AGMO: variants seen among roughly 807,000 people sequenced by gnomAD.
AGMO encodes alkylglycerol monooxygenase.
Under a neutral mutation model 60.2 loss-of-function variants are expected in AGMO, and 75 were observed. That is an observed-to-expected ratio of 1.25 (90% CI 1.03 to 1.51). AGMO has a LOEUF of 1.51. AGMO is among the 40% of genes most tolerant of loss of function. The pLI, the probability that AGMO is intolerant of heterozygous loss-of-function variation, is 0.00. For synonymous variants in AGMO, 261 were observed against 177.1 expected (o/e 1.47, Z -3.76); for missense variants, 763 against 525.5 (o/e 1.45, Z -4.42).
chr7:15,117,318 A>G, the AGMO span, among the ~76,000 whole-genome samples: 1 of 152,132 alleles, frequency 6.6e-6, no homozygotes, highest in African/African-American at 2.4e-5. Flanking sequence ...GGACTTTATT[A>G]GGATCATGTA....
At chr7:15,528,649 T>C (rs1406602050) in intron 3 of AGMO, among the ~76,000 whole-genome samples, 1 of 151,976 alleles carries the variant, frequency 6.6e-6, no homozygotes, top group East Asian at 1.9e-4. Flanking sequence ...ACCATTTTTA[T>C]TTATTTATTT....
chr7:15,402,778 G>A (rs558100473), intron 5 of AGMO, among the ~76,000 whole-genome samples: 6 of 150,940 alleles, frequency 4.0e-5, no homozygotes, highest in African/African-American at 9.8e-5. Context: ...ATTTCAGAGC[G>A]TTAAAACCTG....
chr7:15,194,550 A>G, the AGMO span, among the ~76,000 whole-genome samples: 1 of 152,202 alleles, frequency 6.6e-6, no homozygotes, highest in Non-Finnish European at 1.5e-5. Context: ...ATACTTCTTC[A>G]GCACACTTAT....
At chr7:15,203,748 G>C (rs1781369219) in intron 12 of AGMO, among the ~76,000 whole-genome samples, 1 of 152,062 alleles carries the variant, frequency 6.6e-6, no homozygotes, top group Non-Finnish European at 1.5e-5. Context: ...AATTCATGTG[G>C]TTATACCAAG....
intron 12 of AGMO, among the ~76,000 whole-genome samples, chr7:15,311,870 T>A (rs1198684773): frequency 6.6e-6 from 1 of 152,180 alleles, no homozygotes; most frequent in Admixed American, 6.5e-5. Flanking sequence ...GGGAAAATTA[T>A]GCTAAAAATG....
chr7:15,457,183 G>T (rs6951399), intron 3 of AGMO, among the ~76,000 whole-genome samples: 88,618 of 151,932 alleles, frequency 0.58, 26,335 homozygotes, highest in Non-Finnish European at 0.64. Flanking sequence ...ACACAGAACA[G>T]GAAATACTGA....
intron 3 of AGMO, among the ~76,000 whole-genome samples, chr7:15,530,515 AT>A: frequency 1.4e-4 from 10 of 70,906 alleles, no homozygotes; most frequent in Non-Finnish European, 2.8e-4. Context: ...ATTTCTATAT[AT>A]ATATTCTATA....
At chr7:15,180,813 TG>T in the AGMO span, among the ~76,000 whole-genome samples, 7 of 152,268 alleles carry the variant, frequency 4.6e-5, no homozygotes, top group East Asian at 1.4e-3. Flanking sequence ...TATCACAGAC[TG>T]GGTAATTTAT....
intron 12 of AGMO, among the ~76,000 whole-genome samples, chr7:15,352,400 T>C (rs1326984814): frequency 6.6e-6 from 1 of 151,830 alleles, no homozygotes; most frequent in Non-Finnish European, 1.5e-5. Flanking sequence ...CAAACTCACG[T>C]GCAAACCTCA....
chr7:15,288,515 T>C (rs1784164836), intron 12 of AGMO, among the ~76,000 whole-genome samples: 1 of 152,062 alleles, frequency 6.6e-6, no homozygotes. Flanking sequence ...AAAGAATCAT[T>C]CTAATAACTT....
At position 15,205,991 on chromosome 7, in the gene AGMO, T is replaced by G. The variant is rs151112217; in HGVS notation, c.1264-4632A>C. Among the ~76,000 whole-genome samples the G allele has an allele frequency of 6.5e-3, 985 of 152,226 alleles. 8 individuals are homozygous for G. Among genetic ancestry groups the G allele is most frequent in the African/African-American group, 0.022 (934 of 41,568 alleles). The stretch of plus-strand genomic sequence containing the variant: ...AAATATGGAGTACTTTTTTCCTAAA[T>G]TATTTAAAGAAAACTAAAGGTAATC... On this transcript the variant is annotated intron_variant, in intron 12 of 12. Transcript: ENST00000342526.
intron 12 of AGMO, among the ~76,000 whole-genome samples, chr7:15,217,687 C>A (rs943637075): frequency 1.3e-5 from 2 of 151,412 alleles, no homozygotes; most frequent in African/African-American, 4.8e-5. Context: ...GAAAATAATG[C>A]AAGATGAAAA....
At chr7:15,254,651 T>C (rs1169013878) in intron 12 of AGMO, among the ~76,000 whole-genome samples, 1 of 151,440 alleles carries the variant, frequency 6.6e-6, no homozygotes, top group Non-Finnish European at 1.5e-5. Context: ...ATAATAAAAA[T>C]CAGAGCAAAA....
rs1486770755 is a variant in AGMO at position 15,550,024 on chromosome 7, G to A, written c.258-5101C>T. Among the ~76,000 whole-genome samples, 40 of 152,000 alleles carry A rather than the reference G, an allele frequency of 2.6e-4. 1 individual carries two copies. The highest frequency in any genetic ancestry group is 8.8e-5 in the Non-Finnish European group (6 of 68,006). ...AGGATTAAGAATCTCACTCAAAACC[G>A]CTCAACTACATGGTAACTGAACAAC... On this transcript the variant is annotated intron_variant, in intron 2 of 12. Transcript: ENST00000342526.
At chr7:15,243,990 T>C (rs892603842) in intron 12 of AGMO, among the ~76,000 whole-genome samples, 4 of 152,158 alleles carry the variant, frequency 2.6e-5, no homozygotes, top group Non-Finnish European at 1.5e-5. Flanking sequence ...AAACAACCTG[T>C]CATCCTTGAA....
At chr7:15,381,498 C>G (rs1783683584) in intron 10 of AGMO, among the ~76,000 whole-genome samples, 2 of 151,930 alleles carry the variant, frequency 1.3e-5, no homozygotes, top group Non-Finnish European at 2.9e-5. Context: ...ACCAGTCAGA[C>G]TGGGTATTAT....
chr7:15,511,732 T>C (rs113631574), intron 3 of AGMO, among the ~76,000 whole-genome samples: 2,307 of 152,322 alleles, frequency 0.015, 58 homozygotes, highest in African/African-American at 0.052. Context: ...TCATTGTACA[T>C]GGAACATGTT....
At chr7:15,549,436 G>A (rs1583677522) in intron 2 of AGMO, among the ~76,000 whole-genome samples, 2 of 152,030 alleles carry the variant, frequency 1.3e-5, no homozygotes, top group African/African-American at 4.8e-5. Context: ...CATGTGCAGA[G>A]ACACACATAG....
At chr7:15,157,759 T>C in the AGMO span, among the ~76,000 whole-genome samples, 1 of 152,356 alleles carries the variant, frequency 6.6e-6, no homozygotes, top group Non-Finnish European at 1.5e-5. Flanking sequence ...TTCTCGACCT[T>C]ATTTCTCTGT....
Sources: allele counts gnomAD v4.1 joint callset (sites outside exome capture counted in the v4.1 genomes callset), GRCh38; gene constraint gnomAD v4.1.1; transcripts MANE v1.5; gene names NCBI Gene and HGNC (gene_info 2026-07-23, HGNC 2026-07-21).